Variants in AGT observed in about 807,000 individuals in gnomAD.
The protein encoded by AGT is alpha-1 antiproteinase, antitrypsin.
Under a neutral mutation model 28.1 loss-of-function variants are expected in AGT, and 26 were observed. The observed-to-expected ratio is 0.92, with a 90% CI of 0.68 to 1.28. The LOEUF (loss-of-function observed/expected upper bound fraction) is 1.28, where lower values mean the gene tolerates loss of function less well. AGT is among the 50% of genes most tolerant of loss of function. AGT has a pLI of 0.00. For missense variants in AGT, 596 were observed against 592.3 expected, an observed-to-expected ratio of 1.01 and a Z score of -0.06; for synonymous variants, 259 against 259.6, an observed-to-expected ratio of 1.00 and a Z score of 0.02.
intron 2 of AGT, among the ~76,000 whole-genome samples, chr1:230,709,292 G>T (rs972772688): frequency 2.0e-5 from 3 of 152,136 alleles, no homozygotes; most frequent in South Asian, 4.2e-4. Context: ...TCTGTGGCTG[G>T]GTGCAGTGGC....
At chr1:230,740,535 T>C (rs907350910) in intron 1 of AGT, among the ~76,000 whole-genome samples, 3 of 152,106 alleles carry the variant, frequency 2.0e-5, no homozygotes, top group East Asian at 1.9e-4. Flanking sequence ...AGAAGAGAGA[T>C]AGAGTAAGAG....
rs34829218 is a variant in AGT, at chr1:230,710,441, G to C, written c.383C>G (p.Thr128Arg). The C allele has an allele frequency of 6.2e-7, 1 of 1,614,236 alleles. No individual in the cohort carries two copies. Among genetic ancestry groups the C allele is most frequent in the Admixed American group, 1.7e-5 (1 of 60,032 alleles). Residue 128 changes from threonine to arginine, a missense_variant, in exon 2 of 5, where the codon ACG becomes AGG. Transcript: ENST00000366667. ...AGAGGCCAGGGTGCCAAAGACAGCC[G>C]TTGGGGAGAGGACGGTGGCCCCATG... ...VVHGATVLSPTAVFGTLASLY... is the reference protein window; with the variant it reads ...VVHGATVLSPRAVFGTLASLY...
At position 230,704,351 on chromosome 1, in the gene AGT, GCA is replaced by G. The variant is rs747237430; in HGVS notation, c.1098-16_1098-15del. On this transcript the variant is annotated splice_polypyrimidine_tract_variant and intron_variant, in intron 3 of 4. Transcript: ENST00000366667. ...AGGTGGATGGTCCTGGGGAGATGAT[GCA>G]CAGTTAGGAAGGCTCCAGGCCACAC... 1.2e-6 allele frequency: 2 copies of G among 1,613,672 alleles called. No individual in the cohort carries two copies. Among genetic ancestry groups the G allele is most frequent in the East Asian group, 2.2e-5 (1 of 44,878 alleles).
Position 230,703,340 on chromosome 1 carries a change from GCAGACAT to G in AGT, c.1243-18_1243-12del. 3 of 1,614,190 alleles carry G rather than the reference GCAGACAT, an allele frequency of 1.9e-6. No individual in the cohort carries two copies. Among genetic ancestry groups the G allele is most frequent in the Non-Finnish European group, 2.5e-6 (3 of 1,180,016 alleles). ...AATGCTGTTCAGCACCTGCAAAGCAGCAGACATCAGGATCATTCTGAGGGCGCACTGG... is the reference window on the plus strand; with the variant it reads ...AATGCTGTTCAGCACCTGCAAAGCAGCAGGATCATTCTGAGGGCGCACTGG... On this transcript the variant is annotated splice_polypyrimidine_tract_variant and intron_variant, in intron 4 of 4. Transcript: ENST00000366667.
At chr1:230,740,232 C>T (rs768897093) in intron 1 of AGT, among the ~76,000 whole-genome samples, 1 of 152,152 alleles carries the variant, frequency 6.6e-6, no homozygotes, top group Non-Finnish European at 1.5e-5. Context: ...GCAGTGAGGA[C>T]GAACAGAGGT....
upstream of AGT, among the ~76,000 whole-genome samples, chr1:230,714,606 G>A (rs1231292633): frequency 1.3e-5 from 2 of 152,188 alleles, no homozygotes; most frequent in Non-Finnish European, 2.9e-5. Context: ...ACCTTCAGCT[G>A]CTCCAAAGAG....
intron 2 of AGT, among the ~76,000 whole-genome samples, chr1:230,708,508 T>C (rs1663460499): frequency 6.6e-6 from 1 of 151,952 alleles, no homozygotes; most frequent in African/African-American, 2.4e-5. Flanking sequence ...GGCTGAGCAA[T>C]CCCCCCATCT....
chr1:230,704,866 C>T (rs945570446), intron 3 of AGT, among the ~76,000 whole-genome samples: 9 of 152,196 alleles, frequency 5.9e-5, no homozygotes, highest in African/African-American at 2.2e-4. Context: ...GTATCAAGCA[C>T]TTATAAGAGC....
At chr1:230,736,050 C>T (rs1376650844) in intron 1 of AGT, among the ~76,000 whole-genome samples, 1 of 152,108 alleles carries the variant, frequency 6.6e-6, no homozygotes, top group Non-Finnish European at 1.5e-5. Flanking sequence ...GTTTGCATAT[C>T]TTTGCTATAT....
At chr1:230,709,889 T>C in intron 2 of AGT, 106 bp downstream of exon 2, 1 of 1,533,218 alleles carries the variant, frequency 6.5e-7, no homozygotes. Context: ...ACCAGGTATG[T>C]CCGCAGGGCT....
At position 230,710,442 on chromosome 1, in the gene AGT, T is replaced by C. The variant is rs138340265; in HGVS notation, c.382A>G (p.Thr128Ala). The C allele has an allele frequency of 5.5e-5, 88 of 1,614,162 alleles. No homozygotes were observed. The highest frequency in any genetic ancestry group is 6.9e-5 in the Non-Finnish European group (81 of 1,180,020). ...GAGGCCAGGGTGCCAAAGACAGCCGTTGGGGAGAGGACGGTGGCCCCATGG... is the reference window on the plus strand; with the variant it reads ...GAGGCCAGGGTGCCAAAGACAGCCGCTGGGGAGAGGACGGTGGCCCCATGG... Reference protein sequence around the residue: ...VVHGATVLSPTAVFGTLASLY... With the variant: ...VVHGATVLSPAAVFGTLASLY... Residue 128 changes from threonine to alanine, a missense_variant, in exon 2 of 5, where the codon ACG becomes GCG. Thr to Ala is a moderately conservative substitution (Grantham distance 58). Transcript: ENST00000366667.
Position 230,728,635 on chromosome 1 carries a change from C to G in AGT, c.-31+16880G>C, listed in dbSNP as rs530759705. On this transcript the variant is annotated intron_variant, in intron 1 of 4. Transcript: ENST00000681269. ...ATAAAATGCTGCCACTTACTGAGAACTTTTGAGGTATGGGTCACCCTTTTA... is the reference window on the plus strand; with the variant it reads ...ATAAAATGCTGCCACTTACTGAGAAGTTTTGAGGTATGGGTCACCCTTTTA... Among the ~76,000 whole-genome samples, 8 of 152,312 alleles carry G rather than the reference C, an allele frequency of 5.3e-5. No individual in the cohort carries two copies. In the South Asian group the frequency reaches 1.0e-3, roughly 20 times the overall value.
chr1:230,705,851 G>A, intron 3 of AGT, 82 bp downstream of exon 3: 1 of 1,562,180 alleles, frequency 6.4e-7, no homozygotes, highest in Non-Finnish European at 8.8e-7. Flanking sequence ...CTCAGCTCAG[G>A]TGTGTCTACT....
At chr1:230,715,458 A>G (rs1220914313), upstream of AGT, among the ~76,000 whole-genome samples, 2 of 152,206 alleles carry the variant, frequency 1.3e-5, no homozygotes, top group Non-Finnish European at 2.9e-5. Context: ...GGTTACAGTG[A>G]GCTATGATTG....
intron 1 of AGT, among the ~76,000 whole-genome samples, chr1:230,727,879 T>C (rs919667106): frequency 6.6e-6 from 1 of 152,216 alleles, no homozygotes; most frequent in Non-Finnish European, 1.5e-5. Flanking sequence ...TAGAGCTGAT[T>C]TATCAAGACA....
intron 1 of AGT, among the ~76,000 whole-genome samples, chr1:230,741,628 A>G (rs1393175281): frequency 6.6e-6 from 1 of 152,204 alleles, no homozygotes; most frequent in Non-Finnish European, 1.5e-5. Flanking sequence ...TGTTCCAGGG[A>G]TGGACAAGTC....
intron 2 of AGT, among the ~76,000 whole-genome samples, chr1:230,708,170 G>A (rs961672385): frequency 8.5e-5 from 13 of 152,338 alleles, no homozygotes; most frequent in Admixed American, 2.0e-4. Flanking sequence ...GGCAGCATGC[G>A]GTGGAGGCCG....
At chr1:230,715,288 T>C (rs1484547741), upstream of AGT, among the ~76,000 whole-genome samples, 2 of 151,128 alleles carry the variant, frequency 1.3e-5, no homozygotes, top group African/African-American at 4.9e-5. Flanking sequence ...CTGAAATACA[T>C]TTTTTTAATT....
At chr1:230,736,397 T>C (rs1280074262) in intron 1 of AGT, among the ~76,000 whole-genome samples, 3 of 152,036 alleles carry the variant, frequency 2.0e-5, no homozygotes, top group Non-Finnish European at 2.9e-5. Context: ...CGGGCACCTG[T>C]AGTCCCAGCT....
Sources: gnomAD v4.1 joint callset for allele counts (sites outside exome capture counted in the v4.1 genomes callset) on GRCh38, gnomAD v4.1.1 for gene constraint, MANE v1.5 for transcripts, NCBI Gene and HGNC (gene_info 2026-07-23, HGNC 2026-07-21) for gene names.